The following SNRPN variants were observed in gnomAD, a reference collection of about 807,000 sequenced individuals.
The protein encoded by SNRPN is small nuclear ribonucleoprotein polypeptide N.
In SNRPN, 7 loss-of-function variants were observed where a neutral mutation model predicts 25.2. The ratio of observed to expected loss-of-function variants is 0.28; its 90% CI spans 0.16 to 0.52. SNRPN has a LOEUF of 0.52. SNRPN is among the 20% of genes least tolerant of loss of function. The pLI is 0.96. For missense variants in SNRPN, 196 were observed against 322.5 expected, an observed-to-expected ratio of 0.61 and a Z score of 3.00; for synonymous variants, 124 against 110.6, an observed-to-expected ratio of 1.12 and a Z score of -0.76.
intron 1 of SNRPN, among the ~76,000 whole-genome samples, chr15:24,884,730 T>C (rs2149946457): frequency 6.6e-6 from 1 of 152,312 alleles, no homozygotes; most frequent in South Asian, 2.1e-4. Context: ...TATTTTGATA[T>C]GAGAAACAAT....
At chr15:24,859,331 T>C (rs543204942) in intron 1 of SNRPN, among the ~76,000 whole-genome samples, 2 of 151,708 alleles carry the variant, frequency 1.3e-5, no homozygotes, top group African/African-American at 4.8e-5. Context: ...TAGACCAGGA[T>C]TGATTTAGGG....
chr15:24,867,195 G>T (rs562033895), intron 1 of SNRPN, among the ~76,000 whole-genome samples: 66 of 152,016 alleles, frequency 4.3e-4, no homozygotes, highest in African/African-American at 1.6e-3. Flanking sequence ...ATTTTTTGAG[G>T]GGCCTCTATA....
rs571369936 is a variant in SNRPN, at chr15:24,865,117, G to A, written c.-579+8401G>A. On this transcript the variant is annotated intron_variant, in intron 1 of 11. Transcript: ENST00000400097. ...GCTGGAGTGCCATGGTACCATCGTGGCTCACTGCAACCTCTGCCTCCCAGG... is the reference window on the plus strand; with the variant it reads ...GCTGGAGTGCCATGGTACCATCGTGACTCACTGCAACCTCTGCCTCCCAGG... 3.3e-5 allele frequency among the ~76,000 whole-genome samples: 5 copies of A among 150,886 alleles called. No homozygotes were observed. The East Asian group carries it at 7.9e-4, about 24-fold the overall frequency.
At chr15:24,859,546 C>G (rs12900610) in intron 1 of SNRPN, among the ~76,000 whole-genome samples, 4,215 of 152,270 alleles carry the variant, frequency 0.028, 97 homozygotes, top group South Asian at 0.046. Context: ...AACCAACAGA[C>G]TAACAGCATT....
chr15:24,853,168 C>T (rs184018875), upstream of SNRPN, among the ~76,000 whole-genome samples: 4 of 152,066 alleles, frequency 2.6e-5, no homozygotes, highest in East Asian at 1.9e-4. Context: ...TAGTGTGTTA[C>T]GCTTGTTACA....
chr15:24,848,829 A>T (rs879269039), intron 2 of SNRPN: 34 of 152,272 alleles, frequency 2.2e-4, no homozygotes, highest in Middle Eastern at 3.4e-3. Flanking sequence ...TATTTTCATT[A>T]TAAAATACCG....
intron 1 of SNRPN, among the ~76,000 whole-genome samples, chr15:24,864,541 G>A (rs12917305): frequency 0.32 from 48,846 of 151,148 alleles, 9,052 homozygotes; most frequent in African/African-American, 0.5. Flanking sequence ...ACGGGGTTTC[G>A]CCATGTTGGT....
intron 2 of SNRPN, among the ~76,000 whole-genome samples, chr15:24,908,502 T>C: frequency 6.6e-6 from 1 of 152,142 alleles, no homozygotes; most frequent in African/African-American, 2.4e-5. Flanking sequence ...GTAAAGGACA[T>C]TCTGATGAAG....
chr15:24,908,369 C>T (rs1317202972), intron 2 of SNRPN, among the ~76,000 whole-genome samples: 1 of 151,996 alleles, frequency 6.6e-6, no homozygotes, highest in Non-Finnish European at 1.5e-5. Flanking sequence ...TAGAAGAAGG[C>T]TAGTTTGCCA....
intron 2 of SNRPN, among the ~76,000 whole-genome samples, chr15:24,896,899 C>T (rs146727666): frequency 0.08 from 12,205 of 152,080 alleles, 688 homozygotes; most frequent in Non-Finnish European, 0.11. Context: ...CGCCTGTAAT[C>T]CCATCACTTT....
rs940251077 is a variant in SNRPN, at chr15:24,869,644, A to AT, written c.-579+12930dup. On this transcript the variant is annotated intron_variant, in intron 1 of 11. Coordinates refer to the SNRPN transcript ENST00000400097. ...AGGAAGATCACTGAGAGAAAATGTC[A>AT]TTGTAACCACATCATATCACGGGTG... Among the ~76,000 whole-genome samples the AT allele has an allele frequency of 6.7e-4, 102 of 152,310 alleles. 1 individual carries two copies. The highest frequency in any genetic ancestry group is 2.1e-3 in the African/African-American group (88 of 41,574).
chr15:24,829,208 A>G lies in SNRPN; in HGVS notation c.-686-590A>G, dbSNP rs565803756. 1.8e-3 allele frequency among the ~76,000 whole-genome samples: 269 copies of G among 152,110 alleles called. 1 individual carries two copies. Among genetic ancestry groups the G allele is most frequent in the Non-Finnish European group, 3.1e-3 (212 of 68,044 alleles). ...CAAAGTTTCCAAATTCTCAGATGTT[A>G]AAGGCCAATGGGGATTCAGAAAACG... On this transcript the variant is annotated intron_variant, in intron 1 of 12. Transcript: ENST00000400100.
At chr15:24,933,334 T>C (rs2152907623) in intron 3 of SNRPN, among the ~76,000 whole-genome samples, 1 of 138,986 alleles carries the variant, frequency 7.2e-6, no homozygotes, top group East Asian at 2.2e-4. Context: ...GGAGGGCGGC[T>C]GGTTTAAAGA....
rs920481080 is a variant in SNRPN, at chr15:24,912,841, G to A, written c.-504-7170G>A. ...CATCTTGGAAACAGACAGCAGCCCC[G>A]TTTAGACCTCCTTCTGCTGCTTTGA... On this transcript the variant is annotated intron_variant, in intron 2 of 11. Coordinates refer to the SNRPN transcript ENST00000400097. Among the ~76,000 whole-genome samples, 7 of 152,168 alleles carry A rather than the reference G, an allele frequency of 4.6e-5. No homozygotes were observed. The East Asian group carries it at 7.7e-4, about 17-fold the overall frequency.
At chr15:24,876,667 T>C (rs1401069212) in intron 1 of SNRPN, among the ~76,000 whole-genome samples, 1 of 151,594 alleles carries the variant, frequency 6.6e-6, no homozygotes, top group East Asian at 1.9e-4. Context: ...ATTACTCTGT[T>C]GAAATCCACA....
At chr15:24,834,880 T>G (rs1194430005) in intron 2 of SNRPN, among the ~76,000 whole-genome samples, 1 of 129,874 alleles carries the variant, frequency 7.7e-6, no homozygotes, top group Non-Finnish European at 1.6e-5. Context: ...GAGCTGAGAG[T>G]GCCACTGCAC....
chr15:24,891,587 G>A (rs1026690290), intron 2 of SNRPN, among the ~76,000 whole-genome samples: 2 of 151,912 alleles, frequency 1.3e-5, no homozygotes, highest in African/African-American at 4.8e-5. Context: ...GTAGGCTCCC[G>A]CCACCATGTC....
At chr15:24,905,280 G>A (rs1221798998) in intron 2 of SNRPN, among the ~76,000 whole-genome samples, 3 of 152,066 alleles carry the variant, frequency 2.0e-5, no homozygotes, top group Non-Finnish European at 2.9e-5. Flanking sequence ...GGAGGCCGAG[G>A]TGGGGGGATT....
chr15:24,891,665 T>G (rs1028675509), intron 2 of SNRPN, among the ~76,000 whole-genome samples: 2 of 152,174 alleles, frequency 1.3e-5, no homozygotes, highest in African/African-American at 4.8e-5. Flanking sequence ...TTCCAACTCC[T>G]GACCTCAGGT....
Sources: allele counts gnomAD v4.1 joint callset (sites outside exome capture counted in the v4.1 genomes callset), GRCh38; gene constraint gnomAD v4.1.1; transcripts MANE v1.5; gene names NCBI Gene and HGNC (gene_info 2026-07-23, HGNC 2026-07-21).